The following CDKAL1 variants were observed in gnomAD, a reference collection of about 807,000 sequenced individuals.
CDKAL1 encodes threonylcarbamoyladenosine tRNA methylthiotransferase.
CDKAL1 carries 32 observed loss-of-function variants against 68.2 expected under a neutral mutation model. The ratio of observed to expected loss-of-function variants is 0.47; its 90% CI spans 0.35 to 0.63. CDKAL1 has a LOEUF of 0.63. CDKAL1 is among the 30% of genes least tolerant of loss of function. The pLI, the probability that CDKAL1 is intolerant of heterozygous loss-of-function variation, is 0.00. For missense variants in CDKAL1, 606 were observed against 696.7 expected (o/e 0.87, Z 1.47); for synonymous variants, 234 against 244.3 (o/e 0.96, Z 0.39).
chr6:20,594,025 A>C (rs1412055068), intron 4 of CDKAL1, among the ~76,000 whole-genome samples: 1 of 152,184 alleles, frequency 6.6e-6, no homozygotes, highest in Non-Finnish European at 1.5e-5. Context: ...ATTTGATTGC[A>C]CTGTGGTCTG....
chr6:20,937,965 C>G (rs1015525404), intron 9 of CDKAL1, among the ~76,000 whole-genome samples: 1 of 151,778 alleles, frequency 6.6e-6, no homozygotes. Context: ...CATGGATGAT[C>G]CTTGCCTCTG....
chr6:21,010,648 G>C (rs887625406), intron 11 of CDKAL1, among the ~76,000 whole-genome samples: 9 of 152,146 alleles, frequency 5.9e-5, no homozygotes, highest in Admixed American at 2.0e-4. Flanking sequence ...AGCATGTACA[G>C]TATGTGTACT....
Position 20,837,937 on chromosome 6 carries a change from TTGTGTG to T in CDKAL1, c.639-8098_639-8093del, listed in dbSNP as rs531904726. ...AGTTAGGGGTGGAGCTGGGAAGAAA[TTGTGTG>T]TGTGTGTGTGTGTGTGTGTGTGTGT... On this transcript the variant is annotated intron_variant, in intron 8 of 15. Transcript: ENST00000274695. 8.4e-3 allele frequency among the ~76,000 whole-genome samples: 1,032 copies of T among 123,188 alleles called. 12 individuals carry two copies. Among genetic ancestry groups the T allele is most frequent in the African/African-American group, 0.025 (821 of 33,060 alleles). The allele number at this position is 123,188 out of a possible 152,430, so 80.8% of individuals were successfully genotyped here. A position where few individuals can be genotyped will look rare whatever the true frequency, so the allele number is the denominator to read the frequency against.
At chr6:21,212,385 C>T (rs566031758) in intron 15 of CDKAL1, among the ~76,000 whole-genome samples, 2 of 152,296 alleles carry the variant, frequency 1.3e-5, no homozygotes, top group African/African-American at 2.4e-5. Flanking sequence ...AGTCATTTGA[C>T]ATCTTGATAA....
intron 8 of CDKAL1, among the ~76,000 whole-genome samples, chr6:20,828,665 G>A (rs1310324747): frequency 1.3e-5 from 2 of 152,160 alleles, no homozygotes; most frequent in Non-Finnish European, 2.9e-5. Context: ...TGATAGATTA[G>A]CATTAACCAG....
intron 13 of CDKAL1, among the ~76,000 whole-genome samples, chr6:21,131,519 A>T (rs1432589015): frequency 2.0e-5 from 3 of 152,224 alleles, no homozygotes; most frequent in African/African-American, 7.2e-5. Flanking sequence ...TGTTATGTAT[A>T]TAACAGAAAA....
chr6:20,810,447 T>TACAC (rs1776759514), intron 8 of CDKAL1, among the ~76,000 whole-genome samples: 1 of 128,604 alleles, frequency 7.8e-6, no homozygotes, highest in Non-Finnish European at 1.6e-5. Context: ...CACACACACG[T>TACAC]GGTGTCATGT....
chr6:20,688,274 A>T (rs115698884), intron 5 of CDKAL1, among the ~76,000 whole-genome samples: 1 of 152,194 alleles, frequency 6.6e-6, no homozygotes, highest in Non-Finnish European at 1.5e-5. Flanking sequence ...GGTATGTGGC[A>T]TAAAGTTAGG....
chr6:21,222,939 G>T (rs1179797124), intron 15 of CDKAL1, among the ~76,000 whole-genome samples: 1 of 152,066 alleles, frequency 6.6e-6, no homozygotes, highest in Non-Finnish European at 1.5e-5. Flanking sequence ...TCAAGTGTGT[G>T]TGCATGTGTG....
intron 12 of CDKAL1, among the ~76,000 whole-genome samples, chr6:21,076,414 A>C (rs771386772): frequency 6.6e-6 from 1 of 152,232 alleles, no homozygotes; most frequent in Non-Finnish European, 1.5e-5. Flanking sequence ...TCCGAGAAAC[A>C]TAGCATATAA....
chr6:21,074,826 A>G (rs1350568465), intron 12 of CDKAL1, among the ~76,000 whole-genome samples: 4 of 152,120 alleles, frequency 2.6e-5, no homozygotes, highest in East Asian at 1.9e-4. Context: ...TAAAATTTCA[A>G]TAACTTTAGG....
intron 9 of CDKAL1, among the ~76,000 whole-genome samples, chr6:20,933,972 G>A (rs553159137): frequency 3.4e-4 from 51 of 150,080 alleles, no homozygotes; most frequent in African/African-American, 1.1e-3. Flanking sequence ...TACTAATGCC[G>A]GTAACATTCA....
intron 5 of CDKAL1, among the ~76,000 whole-genome samples, chr6:20,715,085 A>G (rs1772028008): frequency 6.6e-6 from 1 of 152,210 alleles, no homozygotes; most frequent in Non-Finnish European, 1.5e-5. Flanking sequence ...CTACTCATTT[A>G]GCAAAAATTC....
Position 21,102,689 on chromosome 6 carries a change from G to A in CDKAL1, c.1237-5712G>A, listed in dbSNP as rs140334623. 8.3e-4 allele frequency among the ~76,000 whole-genome samples: 126 copies of A among 152,200 alleles called. 2 individuals are homozygous for A. Among genetic ancestry groups the A allele is most frequent in the Non-Finnish European group, 1.3e-3 (88 of 68,012 alleles). ...TGTAAACCAGTCCTGGAGCCCTAGC[G>A]TGTATTACCTGGAATTGCACTCCAG... On this transcript the variant is annotated intron_variant, in intron 12 of 15. Coordinates refer to ENST00000274695, the MANE Select transcript of CDKAL1 (RefSeq NM_017774.3).
At chr6:21,021,286 T>C (rs1280926245) in intron 11 of CDKAL1, among the ~76,000 whole-genome samples, 1 of 152,192 alleles carries the variant, frequency 6.6e-6, no homozygotes, top group Non-Finnish European at 1.5e-5. Flanking sequence ...ATTGAGATAA[T>C]ATGTGTTAAG....
chr6:21,139,764 C>A (rs1457907802), intron 13 of CDKAL1, among the ~76,000 whole-genome samples: 1 of 152,102 alleles, frequency 6.6e-6, no homozygotes, highest in Non-Finnish European at 1.5e-5. Flanking sequence ...GGCCTCAGCC[C>A]CGCAAAGTGC....
chr6:20,544,466 C>T (rs1299963073), intron 2 of CDKAL1, among the ~76,000 whole-genome samples: 20 of 151,332 alleles, frequency 1.3e-4, no homozygotes, highest in South Asian at 2.1e-4. Context: ...CATGGTGGCG[C>T]GCGCCTGTAG....
chr6:20,871,385 C>T (rs1158761479), intron 9 of CDKAL1, among the ~76,000 whole-genome samples: 1 of 152,136 alleles, frequency 6.6e-6, no homozygotes, highest in Non-Finnish European at 1.5e-5. Flanking sequence ...GGTGAAATCA[C>T]AGCCACTACA....
chr6:20,745,098 G>A (rs930931953), intron 6 of CDKAL1, among the ~76,000 whole-genome samples: 17 of 152,188 alleles, frequency 1.1e-4, no homozygotes, highest in African/African-American at 3.9e-4. Flanking sequence ...ACAGAAATGT[G>A]GTTTAACACA....
Sources: gnomAD v4.1 joint callset for allele counts (sites outside exome capture counted in the v4.1 genomes callset) on GRCh38, gnomAD v4.1.1 for gene constraint, MANE v1.5 for transcripts, NCBI Gene and HGNC (gene_info 2026-07-23, HGNC 2026-07-21) for gene names.